COL13A1: variants seen among roughly 807,000 people sequenced by gnomAD.
COL13A1 encodes the protein collagen alpha-1(XIII) chain.
COL13A1 carries 89 observed loss-of-function variants against 130.9 expected under a neutral mutation model. The ratio of observed to expected loss-of-function variants is 0.68; its 90% CI spans 0.57 to 0.81. COL13A1 has a LOEUF of 0.81. Among genes scored for constraint, COL13A1 ranks in the 30% least tolerant of loss-of-function variants. The probability of loss-of-function intolerance (pLI) is 0.00; values close to 1 mark genes in which losing one functional copy is unlikely to be tolerated. For missense variants in COL13A1, 879 were observed against 934.6 expected (o/e 0.94, Z 0.78); for synonymous variants, 402 against 341.6 (o/e 1.18, Z -1.95).
At chr10:69,875,101 G>C in intron 4 of COL13A1, 27 bp from the exon 5 acceptor site, 2 of 1,613,968 alleles carry the variant, frequency 1.2e-6, no homozygotes, top group South Asian at 2.2e-5. Context: ...AACCACATCT[G>C]ACTGTTTCTG....
intron 13 of COL13A1, among the ~76,000 whole-genome samples, chr10:69,898,253 G>A (rs1056614072): frequency 2.0e-5 from 3 of 152,196 alleles, no homozygotes; most frequent in African/African-American, 7.2e-5. Context: ...CCTCTGAGTT[G>A]GCTCCCTTCT....
chr10:69,811,031 G>T (rs775004349), intron 1 of COL13A1, among the ~76,000 whole-genome samples: 2 of 152,328 alleles, frequency 1.3e-5, no homozygotes, highest in Non-Finnish European at 2.9e-5. Flanking sequence ...GGCGGCTATT[G>T]TAGGTTTTCC....
At chr10:69,834,675 T>C (rs539269831) in intron 2 of COL13A1, among the ~76,000 whole-genome samples, 19 of 152,280 alleles carry the variant, frequency 1.2e-4, no homozygotes, top group African/African-American at 4.3e-4. Flanking sequence ...AGGCAGGACT[T>C]GAACCCAGGA....
intron 5 of COL13A1, among the ~76,000 whole-genome samples, chr10:69,875,479 A>T (rs1222100281): frequency 6.6e-6 from 1 of 152,206 alleles, no homozygotes; most frequent in Non-Finnish European, 1.5e-5. Context: ...CTGAGCCTCG[A>T]CATTGGGAGG....
chr10:69,924,216 C>T (rs1256166171), intron 24 of COL13A1, among the ~76,000 whole-genome samples: 1 of 152,198 alleles, frequency 6.6e-6, no homozygotes, highest in African/African-American at 2.4e-5. Context: ...AGTGGGTTAC[C>T]TGGAGGCAGC....
chr10:69,802,861 A>T (rs982360409), intron 1 of COL13A1, 144 bp downstream of exon 1: 8 of 1,051,774 alleles, frequency 7.6e-6, no homozygotes, highest in African/African-American at 1.6e-5. Flanking sequence ...GGTCGGGGAC[A>T]CGGACAGACG....
chr10:69,933,923 G>A (rs756722882), intron 31 of COL13A1, among the ~76,000 whole-genome samples: 24 of 152,204 alleles, frequency 1.6e-4, no homozygotes, highest in South Asian at 4.1e-4. Context: ...GCACAGCACC[G>A]TTACCAGGAA....
chr10:69,840,906 C>T (rs569950148), intron 2 of COL13A1, among the ~76,000 whole-genome samples: 14 of 152,110 alleles, frequency 9.2e-5, no homozygotes, highest in South Asian at 2.1e-4. Context: ...GAACCCCGGG[C>T]GCCAGAGCTG....
chr10:69,937,792 G>A lies in COL13A1; in HGVS notation c.1878+77G>A, dbSNP rs374097226. 225 of 726,612 alleles carry A rather than the reference G, an allele frequency of 3.1e-4. 1 individual carries two copies. In the Admixed American group the frequency reaches 4.2e-3, roughly 14 times the overall value. 45.0% of individuals were successfully genotyped at this position (726,612 alleles called of 1,614,324 possible). On this transcript the variant is annotated intron_variant, in intron 34 of 40. Coordinates refer to ENST00000645393, the MANE Select transcript of COL13A1 (RefSeq NM_001368882.1). ...GGGCTGGGACTGGGGGACAGCCAGC[G>A]GAAAGCTAAGGTTCTAGAGTCTGAG...
intron 20 of COL13A1, among the ~76,000 whole-genome samples, chr10:69,919,452 AC>A (rs2064345853): frequency 6.6e-6 from 1 of 152,240 alleles, no homozygotes; most frequent in Admixed American, 6.5e-5. Flanking sequence ...CCTTCTCAGA[AC>A]CTTTAATTTG....
At chr10:69,888,224 C>A (rs1333560071) in intron 8 of COL13A1, 80 bp from the exon 9 acceptor site, 1 of 1,538,136 alleles carries the variant, frequency 6.5e-7, no homozygotes, top group Non-Finnish European at 8.9e-7. Flanking sequence ...AGAATCTGTG[C>A]TTTTCCCCAC....
rs1403197101 is a variant in COL13A1 at position 69,927,241 on chromosome 10, A to T, written c.1422+131A>T. The T allele has an allele frequency of 5.7e-6, 8 of 1,411,486 alleles. No homozygotes were observed. In the Admixed American group the frequency reaches 1.4e-4, roughly 24 times the overall value. 87.4% of individuals were successfully genotyped at this position (1,411,486 alleles called of 1,614,324 possible). A position where few individuals can be genotyped will look rare whatever the true frequency, so the allele number is the denominator to read the frequency against. On this transcript the variant is annotated intron_variant, in intron 27 of 40. Coordinates refer to ENST00000645393, the MANE Select transcript of COL13A1 (RefSeq NM_001368882.1). Reference sequence around the variant, plus strand: ...GGCTGCAGATTAGGGTTGACCCAACAGGGCTGGGGCAGATGATGATCTGAG... The same window carrying T: ...GGCTGCAGATTAGGGTTGACCCAACTGGGCTGGGGCAGATGATGATCTGAG...
At position 69,944,126 on chromosome 10, in the gene COL13A1, G is replaced by T. The variant is rs751376599; in HGVS notation, c.1916G>T (p.Gly639Val). 3.1e-6 allele frequency: 5 copies of T among 1,613,606 alleles called. No homozygotes were observed. The South Asian group carries it at 4.4e-5, about 14-fold the overall frequency. The change falls in exon 36 of 41, where the codon GGT becomes GTT. Residue 639 changes from glycine (G) to valine (V), a missense_variant and splice_region_variant. Physicochemically the swap from Gly to Val is moderately radical, Grantham distance 109. Coordinates refer to ENST00000645393, the MANE Select transcript of COL13A1 (RefSeq NM_001368882.1). The part of the protein sequence containing the change: ...SGLDGRPGPP[G>V]TPGPIGVPGP... Reference sequence around the variant, plus strand: ...CTCTGCTTTCTTTCCCCTTCCCAGGGTACTCCAGGACCAATTGGAGTTCCA... The same window carrying T: ...CTCTGCTTTCTTTCCCCTTCCCAGGTTACTCCAGGACCAATTGGAGTTCCA...
chr10:69,867,378 G>A (rs978903285), intron 2 of COL13A1, among the ~76,000 whole-genome samples: 7 of 152,232 alleles, frequency 4.6e-5, no homozygotes, highest in Non-Finnish European at 8.8e-5. Flanking sequence ...TGCACAGTGA[G>A]GACACGGGCA....
At chr10:69,931,700 G>A (rs568576799) in intron 30 of COL13A1, among the ~76,000 whole-genome samples, 13 of 152,162 alleles carry the variant, frequency 8.5e-5, no homozygotes, top group Admixed American at 2.0e-4. Context: ...GATATGGTGT[G>A]GAAGCTCCCT....
chr10:69,879,698 T>G lies in COL13A1; in HGVS notation c.463-805T>G, dbSNP rs146291946. ...GTGGGCTCAGAGAGGTTTTGTGACT[T>G]TTCCTGGCAGAGTAGGACCTTGAAC... On this transcript the variant is annotated intron_variant, in intron 6 of 40. Transcript: ENST00000645393. 3.5e-4 allele frequency among the ~76,000 whole-genome samples: 54 copies of G among 152,292 alleles called. 2 individuals are homozygous for G. The East Asian group carries it at 0.01, about 29-fold the overall frequency.
Position 69,953,522 on chromosome 10 carries a change from A to C in COL13A1, c.2145+554A>C, listed in dbSNP as rs76208543. 4.4e-3 allele frequency among the ~76,000 whole-genome samples: 677 copies of C among 152,284 alleles called. 8 individuals are homozygous for C. The highest frequency in any genetic ancestry group is 0.016 in the African/African-American group (652 of 41,558). ...ACCAGCCATCCAGCTGAAACCTTTA[A>C]AGCTGCAGACCAGAACTGGTAGTCA... On this transcript the variant is annotated intron_variant, in intron 39 of 40. Coordinates refer to ENST00000645393, the MANE Select transcript of COL13A1 (RefSeq NM_001368882.1).
chr10:69,842,851 G>A (rs1182675011), intron 2 of COL13A1, among the ~76,000 whole-genome samples: 3 of 152,244 alleles, frequency 2.0e-5, no homozygotes, highest in African/African-American at 7.2e-5. Context: ...CGCTGTGTGA[G>A]GGTTTCAGAC....
intron 7 of COL13A1, 25 bp from the exon 8 acceptor site, chr10:69,887,431 G>A (rs767034066): frequency 1.9e-6 from 3 of 1,608,816 alleles, no homozygotes; most frequent in East Asian, 2.2e-5. Context: ...TCAATCTCAT[G>A]TGTCTCTTGT....
Sources: gnomAD v4.1 joint callset for allele counts (sites outside exome capture counted in the v4.1 genomes callset) on GRCh38, gnomAD v4.1.1 for gene constraint, MANE v1.5 for transcripts, NCBI Gene and HGNC (gene_info 2026-07-23, HGNC 2026-07-21) for gene names.